The following CABLES1 variants were observed in gnomAD, a reference collection of about 807,000 sequenced individuals.
CABLES1 encodes the protein Cdk5 and Abl enzyme substrate 1, also known as CDK5 and ABL1 enzyme substrate 1.
A neutral mutation model predicts 57.8 loss-of-function variants in CABLES1; 36 were observed. That is an observed-to-expected ratio of 0.62 (90% CI 0.48 to 0.82). CABLES1 has a LOEUF of 0.82. CABLES1 is among the 40% of genes least tolerant of loss of function. CABLES1 has a pLI of 0.00. For missense variants in CABLES1, 767 were observed against 836.6 expected (o/e 0.92, Z 1.03); for synonymous variants, 374 against 363.0 (o/e 1.03, Z -0.35).
intron 1 of CABLES1, among the ~76,000 whole-genome samples, chr18:23,166,816 A>AT (rs894580637): frequency 6.1e-4 from 93 of 152,316 alleles, no homozygotes; most frequent in African/African-American, 2.2e-3. Context: ...GTCAGACCCC[A>AT]TTCAGCAGGT....
At chr18:23,139,309 A>G (rs960723835) in intron 1 of CABLES1, among the ~76,000 whole-genome samples, 49 of 151,088 alleles carry the variant, frequency 3.2e-4, no homozygotes, top group African/African-American at 1.1e-3. Flanking sequence ...AGGCTGAGGC[A>G]GGAGAATTGC....
intron 2 of CABLES1, among the ~76,000 whole-genome samples, chr18:23,189,758 TC>T (rs758742325): frequency 5.9e-5 from 9 of 152,234 alleles, no homozygotes; most frequent in Non-Finnish European, 1.2e-4. Context: ...GCCTGGCTCT[TC>T]CTTCTGAGCC....
chr18:23,202,171 C>A (rs117199104), intron 3 of CABLES1, among the ~76,000 whole-genome samples: 1 of 152,188 alleles, frequency 6.6e-6, no homozygotes, highest in Non-Finnish European at 1.5e-5. Flanking sequence ...TGATCTGACT[C>A]GCCTTGGAAC....
intron 7 of CABLES1, among the ~76,000 whole-genome samples, chr18:23,241,068 A>G (rs2047723990): frequency 1.3e-5 from 2 of 152,176 alleles, no homozygotes; most frequent in African/African-American, 4.8e-5. Flanking sequence ...TGCAAAAGCA[A>G]TTACTATTCT....
chr18:23,143,835 CCT>C (rs1568041330), intron 1 of CABLES1, among the ~76,000 whole-genome samples: 3 of 152,298 alleles, frequency 2.0e-5, no homozygotes, highest in Non-Finnish European at 4.4e-5. Flanking sequence ...TCCCTCCCCC[CCT>C]GGGCTGTCAG....
intron 1 of CABLES1, among the ~76,000 whole-genome samples, chr18:23,160,454 A>AT: frequency 6.6e-6 from 1 of 152,156 alleles, no homozygotes; most frequent in Non-Finnish European, 1.5e-5. Flanking sequence ...TGCCGGGCAC[A>AT]TGGTATACAG....
At chr18:23,234,529 G>A (rs2047588790) in intron 4 of CABLES1, 79 bp from the exon 5 acceptor site, 1 of 1,003,914 alleles carries the variant, frequency 1.0e-6, no homozygotes, top group Non-Finnish European at 1.6e-6. Context: ...TGACTGTGTT[G>A]TCTCATGGAG....
chr18:23,135,105 G>A (rs1206150732), upstream of CABLES1, among the ~76,000 whole-genome samples: 3 of 152,188 alleles, frequency 2.0e-5, no homozygotes, highest in African/African-American at 7.2e-5. Context: ...TCTCCCAGGA[G>A]CACAGCCCCA....
intron 4 of CABLES1, among the ~76,000 whole-genome samples, chr18:23,230,467 C>A (rs1190208197): frequency 6.6e-6 from 1 of 152,178 alleles, no homozygotes; most frequent in Non-Finnish European, 1.5e-5. Flanking sequence ...CACGCCTGTA[C>A]GTGTATGCTC....
At chr18:23,184,134 C>T (rs2047185999) in intron 1 of CABLES1, among the ~76,000 whole-genome samples, 1 of 152,128 alleles carries the variant, frequency 6.6e-6, no homozygotes, top group Non-Finnish European at 1.5e-5. Flanking sequence ...GGTGGTAGTT[C>T]CAAGTTCTCT....
intron 1 of CABLES1, among the ~76,000 whole-genome samples, chr18:23,168,078 A>G (rs1363065959): frequency 1.3e-5 from 2 of 151,998 alleles, no homozygotes; most frequent in African/African-American, 2.4e-5. Flanking sequence ...TCTGAGGGCA[A>G]CTCCAACCCC....
In CABLES1 at chr18:23,259,765, CTG is replaced by C. The variant is rs1314755395; in HGVS notation, c.*2399_*2400del. On this transcript the variant is annotated 3_prime_UTR_variant, in exon 10 of 10. Coordinates refer to ENST00000256925, the MANE Select transcript of CABLES1 (RefSeq NM_001100619.3). ...CCTTGGGCTTCGGCGAGGAGGAAGTCTGAGCCTGTGAAGCGAGAAGGCCAGGC... is the reference window on the plus strand; with the variant it reads ...CCTTGGGCTTCGGCGAGGAGGAAGTCAGCCTGTGAAGCGAGAAGGCCAGGC... 1 of 152,264 alleles carries C rather than the reference CTG, an allele frequency of 6.6e-6. No individual in the cohort carries two copies. The highest frequency in any genetic ancestry group is 1.5e-5 in the Non-Finnish European group (1 of 68,084). 9.4% of individuals were successfully genotyped at this position (152,264 alleles called of 1,614,324 possible). A position where few individuals can be genotyped will look rare whatever the true frequency, so the allele number is the denominator to read the frequency against.
At chr18:23,157,853 G>A (rs1686554431) in intron 1 of CABLES1, among the ~76,000 whole-genome samples, 1 of 152,094 alleles carries the variant, frequency 6.6e-6, no homozygotes, top group South Asian at 2.1e-4. Context: ...CTGCAGCATA[G>A]GATGGTGATT....
rs1349414614 is a variant in CABLES1, at chr18:23,259,730, C to A, written c.*2363C>A. The A allele has an allele frequency of 1.3e-5, 2 of 152,254 alleles. No homozygotes were observed. The highest frequency in any genetic ancestry group is 4.8e-5 in the African/African-American group (2 of 41,444). The allele number at this position is 152,254 out of a possible 1,614,324, so 9.4% of individuals were successfully genotyped here. On this transcript the variant is annotated 3_prime_UTR_variant, in exon 10 of 10. Transcript: ENST00000256925. Reference sequence around the variant, plus strand: ...CCTCTGTGACACGGAACATTCCAGACACGTCGCAGCCTTGGGCTTCGGCGA... The same window carrying A: ...CCTCTGTGACACGGAACATTCCAGAAACGTCGCAGCCTTGGGCTTCGGCGA...
chr18:23,250,424 G>C (rs1383644824), intron 7 of CABLES1, among the ~76,000 whole-genome samples: 1 of 152,220 alleles, frequency 6.6e-6, no homozygotes, highest in African/African-American at 2.4e-5. Context: ...CTCCCAGCTT[G>C]AGGCGAGCAT....
At chr18:23,142,901 G>A (rs115700593) in intron 1 of CABLES1, among the ~76,000 whole-genome samples, 1 of 152,106 alleles carries the variant, frequency 6.6e-6, no homozygotes, top group Non-Finnish European at 1.5e-5. Flanking sequence ...TATGTGGCAG[G>A]CATTATTCTA....
At chr18:23,233,289 C>T (rs557743612) in intron 4 of CABLES1, among the ~76,000 whole-genome samples, 31 of 152,190 alleles carry the variant, frequency 2.0e-4, no homozygotes, top group African/African-American at 5.3e-4. Flanking sequence ...TAAAAATTAC[C>T]GTAGGGGAAG....
chr18:23,136,451 C>T lies in CABLES1; in HGVS notation c.689C>T (p.Pro230Leu), dbSNP rs2046822286. The T allele has an allele frequency of 6.2e-7, 1 of 1,604,478 alleles. No individual in the cohort carries two copies. The highest frequency in any genetic ancestry group is 1.3e-5 in the African/African-American group (1 of 74,380). ...GCCGCCTTTTTGGGCTCCGGGACCCCCGGGAGTGGGAGCGGCAGTCGGGGA... is the reference window on the plus strand; with the variant it reads ...GCCGCCTTTTTGGGCTCCGGGACCCTCGGGAGTGGGAGCGGCAGTCGGGGA... Reference protein sequence around the residue: ...PAAAFLGSGTPGSGSGSRGRL... With the variant: ...PAAAFLGSGTLGSGSGSRGRL... The change falls in exon 1 of 10, where the codon CCC becomes CTC. Residue 230 changes from proline (P) to leucine (L), a missense_variant. By Grantham distance (98) the Pro-to-Leu change is moderately conservative (BLOSUM62 -3). Around this residue, in one of 4 missense-constraint regions of CABLES1, gnomAD observed 529 missense variants for 622.8 expected, o/e 0.85. Coordinates refer to ENST00000256925, the MANE Select transcript of CABLES1 (RefSeq NM_001100619.3).
intron 1 of CABLES1, chr18:23,155,907 T>A: frequency 6.2e-7 from 1 of 1,614,136 alleles, no homozygotes; most frequent in Non-Finnish European, 8.5e-7. Context: ...CCTTGAATGC[T>A]TTCTAAGAGG....
Sources: allele counts gnomAD v4.1 joint callset (sites outside exome capture counted in the v4.1 genomes callset), GRCh38; gene constraint gnomAD v4.1.1; regional missense constraint gnomAD v4.1.1; transcripts MANE v1.5; gene names NCBI Gene and HGNC (gene_info 2026-07-23, HGNC 2026-07-21).